MTPN: variants seen among roughly 807,000 people sequenced by gnomAD.
The protein encoded by MTPN is myotrophin.
MTPN carries 2 observed loss-of-function variants against 13.5 expected under a neutral mutation model. That is an observed-to-expected ratio of 0.15 (90% confidence interval 0.06 to 0.47). The LOEUF (loss-of-function observed/expected upper bound fraction) is 0.47, where lower values mean the gene tolerates loss of function less well. MTPN is among the 20% of genes least tolerant of loss of function. The pLI is 0.97. For synonymous variants in MTPN, 46 were observed against 51.7 expected, an observed-to-expected ratio of 0.89 and a Z score of 0.48; for missense variants, 79 against 137.9, an observed-to-expected ratio of 0.57 and a Z score of 2.14.
At position 135,931,317 on chromosome 7, in the gene MTPN, A is replaced by T. The variant is rs1434419333; in HGVS notation, c.271-1305T>A. Among the ~76,000 whole-genome samples, 6 of 152,142 alleles carry T rather than the reference A, an allele frequency of 3.9e-5. No homozygotes were observed. In the East Asian group the frequency reaches 9.6e-4, roughly 24 times the overall value. ...CAGTAACAGGGATGAGTGGCCCATA[A>T]TCAGAACAGGATGTGGCAGGAGGGC... On this transcript the variant is annotated intron_variant, in intron 3 of 3. Coordinates refer to ENST00000393085, the MANE Select transcript of MTPN (RefSeq NM_145808.4).
At chr7:135,973,612 A>G (rs75543664) in intron 1 of MTPN, among the ~76,000 whole-genome samples, 2,415 of 152,278 alleles carry the variant, frequency 0.016, 37 homozygotes, top group Non-Finnish European at 0.02. Context: ...GTCAAAAATA[A>G]TGTCACCCAA....
chr7:135,940,774 G>C (rs1203088580), intron 3 of MTPN, among the ~76,000 whole-genome samples: 1 of 152,182 alleles, frequency 6.6e-6, no homozygotes, highest in Non-Finnish European at 1.5e-5. Context: ...CAGCTTATTT[G>C]TATCTTACAG....
intron 3 of MTPN, among the ~76,000 whole-genome samples, chr7:135,943,307 A>T (rs1200415892): frequency 6.6e-6 from 1 of 152,200 alleles, no homozygotes; most frequent in Non-Finnish European, 1.5e-5. Context: ...CTTATGCTAA[A>T]AAGGGCTAAC....
intron 1 of MTPN, among the ~76,000 whole-genome samples, chr7:135,970,379 C>A (rs1461947016): frequency 6.6e-6 from 1 of 152,040 alleles, no homozygotes; most frequent in African/African-American, 2.4e-5. Context: ...ATTTTAAAAT[C>A]CACATCTGAA....
chr7:135,940,710 C>A (rs13240143), intron 3 of MTPN, among the ~76,000 whole-genome samples: 5 of 152,186 alleles, frequency 3.3e-5, no homozygotes, highest in Non-Finnish European at 7.3e-5. Flanking sequence ...GCCTCTCCCC[C>A]CAAAATGTTA....
intron 1 of MTPN, among the ~76,000 whole-genome samples, chr7:135,975,181 T>C (rs1016843822): frequency 2.0e-5 from 3 of 152,250 alleles, no homozygotes; most frequent in Non-Finnish European, 4.4e-5. Context: ...TAAAACTAAT[T>C]GGAAATAAAT....
chr7:135,931,215 A>T (rs1799015931), intron 3 of MTPN, among the ~76,000 whole-genome samples: 1 of 152,170 alleles, frequency 6.6e-6, no homozygotes, highest in African/African-American at 2.4e-5. Context: ...AATCAAAGAA[A>T]AATAAGACAA....
At chr7:135,972,040 A>T (rs978036529) in intron 1 of MTPN, among the ~76,000 whole-genome samples, 5 of 152,190 alleles carry the variant, frequency 3.3e-5, no homozygotes, top group Admixed American at 3.3e-4. Context: ...CTGAATTGTT[A>T]CATTTACAAT....
chr7:135,966,310 T>G (rs1799603826), intron 1 of MTPN, among the ~76,000 whole-genome samples: 2 of 152,078 alleles, frequency 1.3e-5, no homozygotes, highest in South Asian at 4.1e-4. Context: ...TACCTTAGCC[T>G]ACCATTGGGC....
chr7:135,975,495 A>G (rs1338489406), intron 1 of MTPN, among the ~76,000 whole-genome samples: 1 of 152,240 alleles, frequency 6.6e-6, no homozygotes, highest in Non-Finnish European at 1.5e-5. Flanking sequence ...ACTTCCCAGT[A>G]TTCACAAGGA....
intron 1 of MTPN, among the ~76,000 whole-genome samples, chr7:135,964,658 C>T (rs1447058866): frequency 1.3e-5 from 2 of 151,960 alleles, no homozygotes; most frequent in Non-Finnish European, 2.9e-5. Context: ...TATAGAAATT[C>T]TATGTTTTTT....
chr7:135,944,329 T>A (rs2116363391), intron 3 of MTPN, among the ~76,000 whole-genome samples: 1 of 152,258 alleles, frequency 6.6e-6, no homozygotes, highest in Admixed American at 6.5e-5. Context: ...TTTTAATGAG[T>A]ATTATAGAAA....
chr7:135,932,434 A>G (rs1442915890), intron 3 of MTPN: 1 of 152,010 alleles, frequency 6.6e-6, no homozygotes, highest in East Asian at 1.9e-4. Flanking sequence ...TATCTCTGCT[A>G]TTTGCAACCA....
At chr7:135,934,798 T>C (rs759083117) in intron 3 of MTPN, among the ~76,000 whole-genome samples, 34 of 152,220 alleles carry the variant, frequency 2.2e-4, no homozygotes, top group Non-Finnish European at 3.4e-4. Flanking sequence ...AGCCTGCCTC[T>C]CCCTCCCACA....
At chr7:135,935,534 C>T (rs1799102463) in intron 3 of MTPN, among the ~76,000 whole-genome samples, 1 of 152,222 alleles carries the variant, frequency 6.6e-6, no homozygotes, top group Non-Finnish European at 1.5e-5. Flanking sequence ...GCCACTGCGC[C>T]CGGCCTTTTT....
chr7:135,931,365 G>A (rs1038608448), intron 3 of MTPN, among the ~76,000 whole-genome samples: 5 of 152,110 alleles, frequency 3.3e-5, no homozygotes, highest in African/African-American at 7.2e-5. Flanking sequence ...AAAGTCTTCC[G>A]GGATGAGGTA....
intron 3 of MTPN, chr7:135,932,152 G>A (rs1375900625): frequency 1.3e-5 from 2 of 151,920 alleles, no homozygotes; most frequent in African/African-American, 4.8e-5. Context: ...ATAAAACCGA[G>A]ATGCTTATTT....
chr7:135,977,005 C>T (rs369597412), intron 1 of MTPN, 24 bp downstream of exon 1: 6 of 1,612,594 alleles, frequency 3.7e-6, no homozygotes, highest in Admixed American at 3.3e-5. Flanking sequence ...CGTGTTCTCG[C>T]CTACTCTTCT....
At chr7:135,969,638 CAGAAG>C (rs1449284544) in intron 1 of MTPN, among the ~76,000 whole-genome samples, 5 of 151,690 alleles carry the variant, frequency 3.3e-5, no homozygotes, top group Admixed American at 6.6e-5. Flanking sequence ...TGTAATTTTA[CAGAAG>C]AGAAAAGGTC....
Sources: gnomAD v4.1 joint callset for allele counts (sites outside exome capture counted in the v4.1 genomes callset) on GRCh38, gnomAD v4.1.1 for gene constraint, MANE v1.5 for transcripts, NCBI Gene and HGNC (gene_info 2026-07-23, HGNC 2026-07-21) for gene names.